Variants in TTC29 observed in about 807,000 individuals in gnomAD.
TTC29 encodes tetratricopeptide repeat protein 29.
Under a neutral mutation model 58.1 loss-of-function variants are expected in TTC29, and 49 were observed. The ratio of observed to expected loss-of-function variants is 0.84; its 90% CI spans 0.67 to 1.07. The LOEUF is 1.07. Among genes scored for constraint, TTC29 ranks in the 50% least tolerant of loss-of-function variants. The probability of loss-of-function intolerance (pLI) is 0.00; values close to 1 mark genes in which losing one functional copy is unlikely to be tolerated. For missense variants in TTC29, 582 were observed against 555.6 expected (o/e 1.05, Z -0.48); for synonymous variants, 209 against 196.8 (o/e 1.06, Z -0.52).
chr4:146,919,876 G>A (rs1392188674), intron 4 of TTC29, among the ~76,000 whole-genome samples: 3 of 150,980 alleles, frequency 2.0e-5, no homozygotes, highest in African/African-American at 7.3e-5. Context: ...GTAAAAACAA[G>A]TTGCATTATA....
At chr4:146,915,436 C>G (rs1220379233) in intron 4 of TTC29, among the ~76,000 whole-genome samples, 1 of 151,968 alleles carries the variant, frequency 6.6e-6, no homozygotes, top group Non-Finnish European at 1.5e-5. Flanking sequence ...GAAAATCCTT[C>G]TCTTTAAAAG....
intron 6 of TTC29, among the ~76,000 whole-genome samples, chr4:146,879,367 T>C (rs556788923): frequency 1.3e-5 from 2 of 152,280 alleles, no homozygotes; most frequent in South Asian, 2.1e-4. Context: ...CAACTGTGAA[T>C]TGGATTTTTA....
At chr4:146,739,910 C>T (rs1449946859) in intron 11 of TTC29, among the ~76,000 whole-genome samples, 1 of 152,134 alleles carries the variant, frequency 6.6e-6, no homozygotes, top group Admixed American at 6.6e-5. Flanking sequence ...GTAGGTGTGG[C>T]TGGGACTAAA....
At chr4:146,725,766 A>G (rs1743740605) in intron 11 of TTC29, among the ~76,000 whole-genome samples, 1 of 152,190 alleles carries the variant, frequency 6.6e-6, no homozygotes, top group African/African-American at 2.4e-5. Context: ...TAGCCTATAT[A>G]GTTTAAAGTG....
chr4:146,721,221 T>C (rs1032118546), intron 11 of TTC29, among the ~76,000 whole-genome samples: 2 of 152,166 alleles, frequency 1.3e-5, no homozygotes, highest in African/African-American at 2.4e-5. Context: ...TGGGTTTCCA[T>C]GGTAGGACTC....
chr4:146,787,867 C>T (rs1561125235), intron 11 of TTC29, among the ~76,000 whole-genome samples: 1 of 150,292 alleles, frequency 6.7e-6, no homozygotes, highest in Non-Finnish European at 1.5e-5. Flanking sequence ...TTCCCCTCCT[C>T]CTGTCGGTCA....
At chr4:146,785,121 A>C (rs1252200463) in intron 11 of TTC29, among the ~76,000 whole-genome samples, 1 of 151,676 alleles carries the variant, frequency 6.6e-6, no homozygotes, top group East Asian at 1.9e-4. Flanking sequence ...GTGTGTACAC[A>C]CTTGAGCCTT....
chr4:146,846,323 C>G (rs1729166254), intron 8 of TTC29, among the ~76,000 whole-genome samples: 1 of 152,120 alleles, frequency 6.6e-6, no homozygotes, highest in Non-Finnish European at 1.5e-5. Flanking sequence ...AAAGTTTCCC[C>G]CATTACGAAC....
intron 8 of TTC29, among the ~76,000 whole-genome samples, chr4:146,846,506 C>T (rs553602798): frequency 1.3e-5 from 2 of 152,174 alleles, no homozygotes; most frequent in South Asian, 4.2e-4. Flanking sequence ...TGATAAGTAC[C>T]AAAATGAGGC....
chr4:146,727,222 A>G (rs1743858028), intron 11 of TTC29, among the ~76,000 whole-genome samples: 1 of 152,108 alleles, frequency 6.6e-6, no homozygotes, highest in Non-Finnish European at 1.5e-5. Context: ...TTTTTAGAGC[A>G]GTTTCGGTTT....
At chr4:146,891,458 T>C (rs1276516766) in intron 6 of TTC29, among the ~76,000 whole-genome samples, 1 of 152,132 alleles carries the variant, frequency 6.6e-6, no homozygotes, top group Admixed American at 6.6e-5. Context: ...GGGGACAGTG[T>C]TTGTCTTAAT....
chr4:146,718,921 C>T (rs148930829), intron 11 of TTC29, among the ~76,000 whole-genome samples: 63 of 152,176 alleles, frequency 4.1e-4, no homozygotes, highest in African/African-American at 1.3e-3. Flanking sequence ...ATTCTGCATA[C>T]GGATATCCAG....
At chr4:146,894,222 C>T (rs62328028) in intron 6 of TTC29, among the ~76,000 whole-genome samples, 42,820 of 151,746 alleles carry the variant, frequency 0.28, 6,563 homozygotes, top group South Asian at 0.41. Context: ...TATAAAGACA[C>T]ATGCACACGT....
chr4:146,827,117 G>A (rs1271338952), intron 9 of TTC29, among the ~76,000 whole-genome samples: 1 of 151,908 alleles, frequency 6.6e-6, no homozygotes, highest in Non-Finnish European at 1.5e-5. Flanking sequence ...TCATCCATTT[G>A]ATCCTTCATC....
chr4:146,876,934 CAA>C (rs776037799), intron 6 of TTC29, among the ~76,000 whole-genome samples: 4 of 59,180 alleles, frequency 6.8e-5, no homozygotes, highest in Non-Finnish European at 9.4e-5. Context: ...GACTCCATCT[CAA>C]AAAAAAAAAA....
rs181591456 is a variant in TTC29, at chr4:146,794,489, C to T, written c.1330+8968G>A. 1.8e-3 allele frequency among the ~76,000 whole-genome samples: 271 copies of T among 152,102 alleles called. 1 individual carries two copies. Among genetic ancestry groups the T allele is most frequent in the African/African-American group, 6.1e-3 (255 of 41,514 alleles). On this transcript the variant is annotated intron_variant, in intron 11 of 12. Coordinates refer to ENST00000325106, the MANE Select transcript of TTC29 (RefSeq NM_031956.4). The stretch of plus-strand genomic sequence containing the variant: ...AAAACTTGGGCCAAATAAATCTGTA[C>T]GGTACAGTATAAATATTAATCTCAA...
At chr4:146,808,510 T>C (rs1189735965) in intron 10 of TTC29, among the ~76,000 whole-genome samples, 1 of 152,114 alleles carries the variant, frequency 6.6e-6, no homozygotes, top group Non-Finnish European at 1.5e-5. Context: ...CAGCCCAAAA[T>C]CTCCTTAAGC....
intron 4 of TTC29, among the ~76,000 whole-genome samples, chr4:146,923,475 C>G (rs1412747169): frequency 1.3e-5 from 2 of 151,380 alleles, no homozygotes; most frequent in Admixed American, 1.3e-4. Flanking sequence ...TCACAAGGTT[C>G]AACACTCACA....
At chr4:146,837,566 A>G (rs1728594061) in intron 8 of TTC29, among the ~76,000 whole-genome samples, 1 of 152,142 alleles carries the variant, frequency 6.6e-6, no homozygotes, top group African/African-American at 2.4e-5. Context: ...AAAGCAGGTA[A>G]GGTATAACCT....
Sources: allele counts gnomAD v4.1 joint callset (sites outside exome capture counted in the v4.1 genomes callset), GRCh38; gene constraint gnomAD v4.1.1; transcripts MANE v1.5; gene names NCBI Gene and HGNC (gene_info 2026-07-23, HGNC 2026-07-21).